The following NAV2 variants were observed in gnomAD, a reference collection of about 807,000 sequenced individuals.
NAV2 encodes the protein helicase, APC down-regulated 1.
A neutral mutation model predicts 223.2 loss-of-function variants in NAV2; 54 were observed. That is an observed-to-expected ratio of 0.24 (90% CI 0.19 to 0.30). NAV2 has a LOEUF of 0.30. NAV2 is among the 10% of genes least tolerant of loss of function. The pLI, the probability that NAV2 is intolerant of heterozygous loss-of-function variation, is 1.00. For missense variants in NAV2, 2,806 were observed against 3,147.5 expected (o/e 0.89, Z 2.60); for synonymous variants, 1,279 against 1,239.3 (o/e 1.03, Z -0.67).
Position 20,080,169 on chromosome 11 carries a change from A to G in NAV2, c.5285A>G (p.Asn1762Ser), listed in dbSNP as rs149975993. The change falls in exon 25 of 38, where the codon AAC becomes AGC. Residue 1762 changes from asparagine to serine, a missense_variant. Coordinates refer to ENST00000349880, the MANE Select transcript of NAV2 (RefSeq NM_145117.5). The stretch of plus-strand genomic sequence containing the variant: ...ACCAGCCACTCCAGCGTGGGCAGCA[A>G]CATAGAGAGTGACTCAAAGAAGAAG... ...SATSHSSVGS[N>S]IESDSKKKKR... 1.2e-6 allele frequency: 2 copies of G among 1,614,032 alleles called. No homozygotes were observed. Among genetic ancestry groups the G allele is most frequent in the Non-Finnish European group, 1.7e-6 (2 of 1,179,940 alleles).
intron 1 of NAV2, among the ~76,000 whole-genome samples, chr11:19,768,664 T>C: frequency 6.6e-6 from 1 of 152,036 alleles, no homozygotes; most frequent in Non-Finnish European, 1.5e-5. Context: ...TCTAAGGAAA[T>C]ACGCAGAAAG....
intron 1 of NAV2, among the ~76,000 whole-genome samples, chr11:19,672,688 G>A (rs1283515041): frequency 6.6e-6 from 1 of 152,092 alleles, no homozygotes; most frequent in African/African-American, 2.4e-5. Flanking sequence ...AGGACATGGG[G>A]AAGGAGCCTA....
chr11:20,109,521 T>C (rs1216864663), intron 36 of NAV2, among the ~76,000 whole-genome samples: 1 of 152,192 alleles, frequency 6.6e-6, no homozygotes, highest in African/African-American at 2.4e-5. Context: ...ACTCAGTCAT[T>C]CCTATTTTGG....
At chr11:19,925,546 C>T (rs1011891637) in intron 6 of NAV2, among the ~76,000 whole-genome samples, 1 of 151,982 alleles carries the variant, frequency 6.6e-6, no homozygotes, top group Non-Finnish European at 1.5e-5. Flanking sequence ...GTCAGGGGTT[C>T]GAGACCAACC....
chr11:19,398,517 C>T (rs1267581346), intron 1 of NAV2, among the ~76,000 whole-genome samples: 1 of 152,156 alleles, frequency 6.6e-6, no homozygotes, highest in East Asian at 1.9e-4. Context: ...TACCATGCTT[C>T]AGCCACCACA....
At chr11:19,760,786 T>C (rs1205418357) in intron 1 of NAV2, among the ~76,000 whole-genome samples, 1 of 152,204 alleles carries the variant, frequency 6.6e-6, no homozygotes, top group Non-Finnish European at 1.5e-5. Context: ...CAGTTGACTT[T>C]GGCCCTGAGC....
intron 1 of NAV2, among the ~76,000 whole-genome samples, chr11:19,530,719 C>T (rs1004038169): frequency 7.9e-5 from 12 of 152,172 alleles, no homozygotes; most frequent in South Asian, 2.1e-4. Context: ...AAGTAATAAA[C>T]GATAAAAAAC....
chr11:19,821,193 C>A (rs1378253318), intron 1 of NAV2, among the ~76,000 whole-genome samples: 1 of 143,686 alleles, frequency 7.0e-6, no homozygotes, highest in Non-Finnish European at 1.5e-5. Context: ...ACCCGGGAGG[C>A]GGAGCTTGCA....
At chr11:19,691,584 TG>T (rs1228207112) in intron 1 of NAV2, among the ~76,000 whole-genome samples, 5 of 152,186 alleles carry the variant, frequency 3.3e-5, no homozygotes, top group Non-Finnish European at 2.9e-5. Flanking sequence ...TATTTATTTT[TG>T]GAGACGGAGT....
chr11:19,969,145 C>A (rs1428754426), intron 10 of NAV2, among the ~76,000 whole-genome samples: 2 of 152,220 alleles, frequency 1.3e-5, no homozygotes, highest in African/African-American at 4.8e-5. Flanking sequence ...AAACACAGTT[C>A]TTTTGCTTTT....
chr11:19,606,302 A>T (rs1487210), intron 1 of NAV2, among the ~76,000 whole-genome samples: 151,201 of 152,360 alleles, frequency 0.99, 75,036 homozygotes, highest in Middle Eastern at 1. Flanking sequence ...GCTTTCACAT[A>T]TGTTGCTTTA....
intron 11 of NAV2, among the ~76,000 whole-genome samples, chr11:20,029,344 T>C (rs1208589804): frequency 6.6e-6 from 1 of 152,204 alleles, no homozygotes; most frequent in African/African-American, 2.4e-5. Flanking sequence ...TGGCTCTTGC[T>C]GTGTCCATGT....
At chr11:19,801,589 C>T (rs2058260367) in intron 1 of NAV2, among the ~76,000 whole-genome samples, 1 of 152,208 alleles carries the variant, frequency 6.6e-6, no homozygotes, top group African/African-American at 2.4e-5. Context: ...GCACATGGAC[C>T]TCCTAGCCCT....
chr11:19,707,725 AT>A (rs2049711295), intron 1 of NAV2, among the ~76,000 whole-genome samples: 1 of 152,252 alleles, frequency 6.6e-6, no homozygotes, highest in African/African-American at 2.4e-5. Context: ...CATCAACTAT[AT>A]AAAGTATTAG....
At chr11:19,714,326 GCTGTGTGTCTGT>G (rs959985336) in intron 1 of NAV2, 1 of 509,816 alleles carries the variant, frequency 2.0e-6, no homozygotes, top group African/African-American at 1.9e-5. Context: ...CGCAGCAGCA[GCTGTGTGTCTGT>G]CTGGCGGTTC....
At chr11:19,363,437 G>A (rs1029725680) in intron 1 of NAV2, among the ~76,000 whole-genome samples, 1 of 152,104 alleles carries the variant, frequency 6.6e-6, no homozygotes, top group Non-Finnish European at 1.5e-5. Flanking sequence ...TCATTTTACA[G>A]GTGAGAAAAC....
intron 22 of NAV2, among the ~76,000 whole-genome samples, chr11:20,072,461 A>G (rs1356584568): frequency 1.3e-5 from 2 of 152,174 alleles, no homozygotes; most frequent in Non-Finnish European, 2.9e-5. Flanking sequence ...TTTTTTTACA[A>G]TTCTGTGAAG....
rs773244651 is a variant in NAV2, at chr11:20,105,703, C to T, written c.6817C>T (p.His2273Tyr). 1.1e-5 allele frequency: 17 copies of T among 1,612,892 alleles called. No homozygotes were observed. The highest frequency in any genetic ancestry group is 1.4e-5 in the Non-Finnish European group (16 of 1,179,866). ...TCACCTCAACCGCTTCCTGGAGGCT[C>T]ACAGTTCCTCGGACGTCACCATCGG... ...WHHLNRFLEAHSSSDVTIGPR... is the reference protein window; with the variant it reads ...WHHLNRFLEAYSSSDVTIGPR... Residue 2273 changes from histidine to tyrosine, a missense_variant, in exon 35 of 38, where the codon CAC becomes TAC. Coordinates refer to ENST00000349880, the MANE Select transcript of NAV2 (RefSeq NM_145117.5).
At chr11:20,023,705 T>G (rs947813518) in intron 11 of NAV2, among the ~76,000 whole-genome samples, 2 of 148,654 alleles carry the variant, frequency 1.3e-5, no homozygotes, top group East Asian at 2.0e-4. Context: ...GCTGGGTGTG[T>G]GTGTGTGTGT....
Sources: gnomAD v4.1 joint callset for allele counts (sites outside exome capture counted in the v4.1 genomes callset) on GRCh38, gnomAD v4.1.1 for gene constraint, MANE v1.5 for transcripts, NCBI Gene and HGNC (gene_info 2026-07-23, HGNC 2026-07-21) for gene names.